GUK1: variants seen among roughly 807,000 people sequenced by gnomAD.
The protein encoded by GUK1 is guanylate kinase.
A neutral mutation model predicts 25.2 loss-of-function variants in GUK1; 18 were observed. The observed-to-expected ratio is 0.71, with a 90% CI of 0.49 to 1.06. The LOEUF (loss-of-function observed/expected upper bound fraction) is 1.06. GUK1 is among the 50% of genes least tolerant of loss of function. The pLI is 0.00. For missense variants in GUK1, 261 were observed against 276.7 expected, an observed-to-expected ratio of 0.94 and a Z score of 0.40; for synonymous variants, 105 against 117.6, an observed-to-expected ratio of 0.89 and a Z score of 0.69.
chr1:228,140,262 C>T (rs1472557361), upstream of GUK1: 16 of 1,509,694 alleles, frequency 1.1e-5, no homozygotes, highest in Admixed American at 8.0e-5. Flanking sequence ...GCCGGTGCGG[C>T]GCTGTCACGT....
intron 3 of GUK1, 113 bp from the exon 3 acceptor site, chr1:228,145,913 T>C (rs1571892907): frequency 1.2e-6 from 1 of 841,488 alleles, no homozygotes; most frequent in Non-Finnish European, 2.0e-6. Context: ...AGTGGTGTGC[T>C]TCACTGGCTG....
intron 2 of GUK1, among the ~76,000 whole-genome samples, chr1:228,143,026 G>A (rs1204861029): frequency 2.6e-5 from 4 of 152,126 alleles, no homozygotes; most frequent in South Asian, 2.1e-4. Context: ...GCAGCTGGGC[G>A]AACTGGTGTC....
rs1358500483 is a variant in GUK1, at chr1:228,146,619, T to C, written c.155-223T>C. ...CCAACTCCCCACTGGAACCCAGCAGTCTCGTATCTCCATCAGTGAGGACAG... is the reference window on the plus strand; with the variant it reads ...CCAACTCCCCACTGGAACCCAGCAGCCTCGTATCTCCATCAGTGAGGACAG... On this transcript the variant is annotated intron_variant, in intron 4 of 8. Coordinates refer to ENST00000312726, the MANE Select transcript of GUK1 (RefSeq NM_000858.7). The C allele has an allele frequency of 2.1e-5, 12 of 564,524 alleles. No individual in the cohort carries two copies. The East Asian group carries it at 3.2e-4, about 15-fold the overall frequency. 35.0% of individuals were successfully genotyped at this position (564,524 alleles called of 1,614,324 possible). A position where few individuals can be genotyped will look rare whatever the true frequency, so the allele number is the denominator to read the frequency against.
intron 2 of GUK1, 74 bp from the exon 2 acceptor site, chr1:228,145,437 G>T: frequency 7.0e-7 from 1 of 1,427,462 alleles, no homozygotes; most frequent in Non-Finnish European, 9.4e-7. Flanking sequence ...CATGAATTCA[G>T]GAAGGCAGAG....
intron 1 of GUK1, chr1:228,141,031 C>T: frequency 2.3e-6 from 1 of 431,984 alleles, no homozygotes; most frequent in Non-Finnish European, 3.1e-6. Flanking sequence ...TGGTGGGCCT[C>T]GGTTTCGTCT....
chr1:228,142,365 G>A (rs755203695), intron 2 of GUK1, among the ~76,000 whole-genome samples: 8 of 152,232 alleles, frequency 5.3e-5, no homozygotes, highest in Non-Finnish European at 1.2e-4. Flanking sequence ...GGCGAGAGTG[G>A]GCACAGCTGC....
intron 1 of GUK1, chr1:228,141,098 G>C: frequency 1.0e-6 from 1 of 981,426 alleles, no homozygotes; most frequent in Non-Finnish European, 1.2e-6. Context: ...TGCTGTCTTT[G>C]GGCTCATGGC....
rs1353598888 is a variant in GUK1, at chr1:228,145,413, C to T, written c.-2-98C>T. On this transcript the variant is annotated intron_variant, in intron 2 of 8. Coordinates refer to ENST00000312726, the MANE Select transcript of GUK1 (RefSeq NM_000858.7). ...CAGGCCAATGTCTCCATCCCTGGGT[C>T]AGCCCTTTCCTGCCATGAATTCAGG... is the stretch of plus-strand genomic sequence containing the variant. The T allele has an allele frequency of 4.7e-6, 6 of 1,267,080 alleles. No homozygotes were observed. In the African/African-American group the frequency reaches 9.0e-5, roughly 19 times the overall value. 78.5% of individuals were successfully genotyped at this position (1,267,080 alleles called of 1,614,324 possible). A position where few individuals can be genotyped will look rare whatever the true frequency, so the allele number is the denominator to read the frequency against.
At chr1:228,146,284 G>A (rs780256752) in intron 4 of GUK1, 19 of 563,448 alleles carry the variant, frequency 3.4e-5, no homozygotes, top group Non-Finnish European at 4.8e-5. Context: ...GCCGGCCAAG[G>A]CCTGGGGCTG....
Position 228,147,627 on chromosome 1 carries a change from C to T in GUK1, c.403C>T (p.Arg135Trp), listed in dbSNP as rs377518683. The stretch of plus-strand genomic sequence containing the variant: ...ACCCCCTTTTTAGGAGCAGCGGCTG[C>T]GGCAGCGCAACACTGAAACCGAGGA... The change falls in exon 7 of 9, where the codon CGG (arginine) becomes TGG (tryptophan). Residue 135 changes from arginine (R) to tryptophan (W), a missense_variant. Arg to Trp is a moderately radical substitution (Grantham distance 101, BLOSUM62 -3). Coordinates refer to ENST00000312726, the MANE Select transcript of GUK1 (RefSeq NM_000858.7). 2.5e-5 allele frequency: 41 copies of T among 1,612,984 alleles called. No homozygotes were observed. The highest frequency in any genetic ancestry group is 1.8e-4 in the East Asian group (8 of 44,884).
chr1:228,147,465 T>C lies in GUK1; in HGVS notation c.311T>C (p.Leu104Pro), dbSNP rs1328485458. 5.6e-6 allele frequency: 9 copies of C among 1,612,900 alleles called. No individual in the cohort carries two copies. In the South Asian group the frequency reaches 9.9e-5, roughly 18 times the overall value. The change falls in exon 6 of 9, where the codon CTG (leucine) becomes CCG (proline). Residue 104 changes from leucine (L) to proline (P), a missense_variant. Physicochemically the swap from Leu to Pro is moderately conservative, Grantham distance 98. Transcript: ENST00000312726. ...CGCATCTGTGTGCTGGACGTGGACCTGCAGGGTGTGCGGAACATCAAGGCC... is the reference window on the plus strand; with the variant it reads ...CGCATCTGTGTGCTGGACGTGGACCCGCAGGGTGTGCGGAACATCAAGGCC...
At chr1:228,143,155 T>G (rs895336511) in intron 2 of GUK1, among the ~76,000 whole-genome samples, 7 of 152,128 alleles carry the variant, frequency 4.6e-5, no homozygotes, top group Non-Finnish European at 1.5e-5. Context: ...TATAGTCACG[T>G]AGCATCTAGG....
intron 2 of GUK1, among the ~76,000 whole-genome samples, chr1:228,143,402 C>T (rs1571886181): frequency 6.6e-6 from 1 of 152,254 alleles, no homozygotes; most frequent in Non-Finnish European, 1.5e-5. Flanking sequence ...TTTAGCTTTA[C>T]TTTTTCTCCT....
At chr1:228,140,201 T>C, upstream of GUK1, 1 of 943,906 alleles carries the variant, frequency 1.1e-6, no homozygotes, top group Non-Finnish European at 1.6e-6. Context: ...GAGTGAGACA[T>C]GGGCGGGGCA....
intron 2 of GUK1, chr1:228,141,839 G>C: frequency 2.6e-6 from 3 of 1,160,798 alleles, no homozygotes; most frequent in Non-Finnish European, 3.3e-6. Flanking sequence ...GGTCCTTACA[G>C]TTGTGGGTTG....
At chr1:228,147,190 A>G (rs1292284219) in intron 5 of GUK1, among the ~76,000 whole-genome samples, 1 of 152,170 alleles carries the variant, frequency 6.6e-6, no homozygotes, top group Non-Finnish European at 1.5e-5. Flanking sequence ...CATGCTCACT[A>G]CAGGCACCTT....
chr1:228,142,518 T>C (rs1051717348), intron 2 of GUK1, among the ~76,000 whole-genome samples: 5 of 151,878 alleles, frequency 3.3e-5, no homozygotes, highest in African/African-American at 1.2e-4. Flanking sequence ...CCTGGGAGCC[T>C]GGGCTTGGCG....
intron 2 of GUK1, among the ~76,000 whole-genome samples, chr1:228,142,715 G>A (rs549231676): frequency 1.3e-5 from 2 of 152,232 alleles, no homozygotes; most frequent in South Asian, 4.1e-4. Context: ...CAACCCAGGA[G>A]CCAGAGGTGG....
At position 228,147,678 on chromosome 1, in the gene GUK1, G is replaced by A; in HGVS notation, c.454G>A (p.Ala152Thr). The A allele has an allele frequency of 6.2e-7, 1 of 1,612,824 alleles. No individual in the cohort carries two copies. Among genetic ancestry groups the A allele is most frequent in the African/African-American group, 1.3e-5 (1 of 75,048 alleles). Residue 152 changes from alanine to threonine, a missense_variant, in exon 7 of 9, where the codon GCC (alanine) becomes ACC (threonine). Transcript: ENST00000312726. ...GAGCCTGGTGAAGCGGCTGGCTGCT[G>A]CCCAGGCCGACATGGAGAGCAGTGA...
Sources: gnomAD v4.1 joint callset for allele counts (sites outside exome capture counted in the v4.1 genomes callset) on GRCh38, gnomAD v4.1.1 for gene constraint, MANE v1.5 for transcripts, NCBI Gene and HGNC (gene_info 2026-07-23, HGNC 2026-07-21) for gene names.